The following GRIN3A variants were observed in gnomAD, a reference collection of about 807,000 sequenced individuals.
GRIN3A encodes glutamate ionotropic receptor NMDA type subunit 3A, also known as glutamate receptor ionotropic, NMDA 3A.
A neutral mutation model predicts 92.4 loss-of-function variants in GRIN3A; 47 were observed. The ratio of observed to expected loss-of-function variants is 0.51; its 90% confidence interval spans 0.40 to 0.65. The LOEUF (loss-of-function observed/expected upper bound fraction) is 0.65, where lower values mean the gene tolerates loss of function less well. Ranked by LOEUF, GRIN3A falls within the 30% of genes least tolerant of loss-of-function variation. The pLI, the probability that GRIN3A is intolerant of heterozygous loss-of-function variation, is 0.00. For synonymous variants in GRIN3A, 527 were observed against 540.6 expected, an observed-to-expected ratio of 0.97 and a Z score of 0.35; for missense variants, 1,324 against 1,393.1, an observed-to-expected ratio of 0.95 and a Z score of 0.79.
intron 1 of GRIN3A, among the ~76,000 whole-genome samples, chr9:101,719,877 TC>T (rs1164405289): frequency 6.6e-6 from 1 of 152,236 alleles, no homozygotes; most frequent in Non-Finnish European, 1.5e-5. Flanking sequence ...ATACTTGACT[TC>T]CCAAGTGTCT....
chr9:101,605,029 G>A (rs1349041394), intron 6 of GRIN3A, among the ~76,000 whole-genome samples: 2 of 152,232 alleles, frequency 1.3e-5, no homozygotes, highest in Non-Finnish European at 2.9e-5. Context: ...CCTGGCCAGG[G>A]ATGGGGAGCC....
intron 3 of GRIN3A, among the ~76,000 whole-genome samples, chr9:101,635,963 C>A (rs930465568): frequency 1.3e-4 from 20 of 152,204 alleles, no homozygotes; most frequent in African/African-American, 4.8e-4. Context: ...CAGCTCAGTG[C>A]AACCTCCGTC....
At chr9:101,697,770 A>T (rs893049685) in intron 1 of GRIN3A, among the ~76,000 whole-genome samples, 21 of 152,340 alleles carry the variant, frequency 1.4e-4, no homozygotes, top group African/African-American at 4.6e-4. Context: ...GAATGCCACA[A>T]ATTAAGGGGC....
intron 3 of GRIN3A, among the ~76,000 whole-genome samples, chr9:101,650,499 A>G (rs1035461900): frequency 1.5e-4 from 23 of 152,084 alleles, no homozygotes; most frequent in Non-Finnish European, 3.2e-4. Flanking sequence ...ACATCACCAC[A>G]GCAAATTATT....
chr9:101,682,602 G>A (rs919617239), intron 2 of GRIN3A, among the ~76,000 whole-genome samples: 7 of 152,140 alleles, frequency 4.6e-5, no homozygotes, highest in Non-Finnish European at 8.8e-5. Context: ...TCATTGGCTA[G>A]GCAAAAACAT....
chr9:101,613,485 T>A lies in GRIN3A; in HGVS notation c.2657A>T (p.Asn886Ile), dbSNP rs1206381512. 2 of 1,614,220 alleles carry A rather than the reference T, an allele frequency of 1.2e-6. No homozygotes were observed. Among genetic ancestry groups the A allele is most frequent in the Non-Finnish European group, 1.7e-6 (2 of 1,180,028 alleles). ...GTATTGACTGATTAGCTCGGATATG[T>A]TGGCGGTCAATGGAGAGTTGGGTGG... ...GLPPNSPLTA[N>I]ISELISQYKS... Residue 886 changes from asparagine to isoleucine, a missense_variant, in exon 6 of 9, where the codon AAC becomes ATC. By Grantham distance (149) the Asn-to-Ile change is moderately radical. Coordinates refer to ENST00000361820, the MANE Select transcript of GRIN3A (RefSeq NM_133445.3).
chr9:101,572,527 G>A lies in GRIN3A; in HGVS notation c.*647C>T, dbSNP rs1194442531. 6.5e-6 allele frequency: 1 copy of A among 153,068 alleles called. No homozygotes were observed. Among genetic ancestry groups the A allele is most frequent in the East Asian group, 1.9e-4 (1 of 5,186 alleles). 9.5% of individuals were successfully genotyped at this position (153,068 alleles called of 1,614,324 possible). A position where few individuals can be genotyped will look rare whatever the true frequency, so the allele number is the denominator to read the frequency against. ...CACATCCCCTCCCCTTTTCACAGTA[G>A]GGTGTAAGCATGCTCTTACTAAACA... On this transcript the variant is annotated 3_prime_UTR_variant, in exon 9 of 9. Transcript: ENST00000361820.
chr9:101,672,144 C>T (rs538076436), intron 2 of GRIN3A, among the ~76,000 whole-genome samples: 1 of 152,270 alleles, frequency 6.6e-6, no homozygotes, highest in East Asian at 1.9e-4. Flanking sequence ...GAATATTGGT[C>T]TAGCCACCTG....
chr9:101,643,569 A>C (rs554029780), intron 3 of GRIN3A, among the ~76,000 whole-genome samples: 58 of 152,052 alleles, frequency 3.8e-4, no homozygotes, highest in Non-Finnish European at 6.6e-4. Flanking sequence ...AAAGGAACTG[A>C]AATCAGTAAC....
In GRIN3A at chr9:101,600,277, G is replaced by C. The variant is rs151090336; in HGVS notation, c.2766+13099C>G. Among the ~76,000 whole-genome samples, 302 of 152,260 alleles carry C rather than the reference G, an allele frequency of 2.0e-3. 1 individual carries two copies. Among genetic ancestry groups the C allele is most frequent in the African/African-American group, 7.0e-3 (291 of 41,562 alleles). On this transcript the variant is annotated intron_variant, in intron 6 of 8. Transcript: ENST00000361820. ...TTAGGCTTGCTTAAAAACTCAAGTA[G>C]ACTGTATGCATACATGCACACAGAT...
intron 1 of GRIN3A, among the ~76,000 whole-genome samples, chr9:101,703,026 C>T (rs1272781945): frequency 2.0e-5 from 3 of 152,232 alleles, no homozygotes; most frequent in Non-Finnish European, 4.4e-5. Context: ...TCTACGGTGA[C>T]AGACTATTGT....
chr9:101,618,233 C>T (rs536399949), intron 5 of GRIN3A, among the ~76,000 whole-genome samples: 11,203 of 140,982 alleles, frequency 0.079, 943 homozygotes, highest in African/African-American at 0.21. Context: ...AAAGAAACTA[C>T]CATCAGAGTG....
chr9:101,639,005 A>T (rs1459439025), intron 3 of GRIN3A, among the ~76,000 whole-genome samples: 1 of 152,180 alleles, frequency 6.6e-6, no homozygotes, highest in Non-Finnish European at 1.5e-5. Flanking sequence ...CACATTCGTC[A>T]TCTCATTTCA....
At chr9:101,640,489 A>G (rs1248409967) in intron 3 of GRIN3A, among the ~76,000 whole-genome samples, 1 of 152,230 alleles carries the variant, frequency 6.6e-6, no homozygotes, top group Non-Finnish European at 1.5e-5. Context: ...AATTTGGCCA[A>G]GATTAGACAG....
At chr9:101,629,409 A>G (rs373683226) in intron 3 of GRIN3A, among the ~76,000 whole-genome samples, 1 of 152,214 alleles carries the variant, frequency 6.6e-6, no homozygotes, top group African/African-American at 2.4e-5. Flanking sequence ...ATATTTTAAA[A>G]TCAGCAAAAT....
chr9:101,731,322 T>A (rs2066103044), intron 1 of GRIN3A, among the ~76,000 whole-genome samples: 1 of 152,202 alleles, frequency 6.6e-6, no homozygotes, highest in Admixed American at 6.5e-5. Flanking sequence ...AATGCATAGT[T>A]CTTTCTATTT....
At chr9:101,680,550 G>A (rs1265340384) in intron 2 of GRIN3A, among the ~76,000 whole-genome samples, 1 of 152,126 alleles carries the variant, frequency 6.6e-6, no homozygotes, top group African/African-American at 2.4e-5. Flanking sequence ...TGAGGAGGGA[G>A]GCCTAGAAAT....
In GRIN3A at chr9:101,631,546, G is replaced by T. The variant is rs530498330; in HGVS notation, c.2353-3145C>A. Among the ~76,000 whole-genome samples, 22 of 152,220 alleles carry T rather than the reference G, an allele frequency of 1.4e-4. No homozygotes were observed. In the South Asian group the frequency reaches 4.1e-3, roughly 29 times the overall value. On this transcript the variant is annotated intron_variant, in intron 3 of 8. Transcript: ENST00000361820. The stretch of plus-strand genomic sequence containing the variant: ...CTCATTTTCTTTTCTGAATGCACCA[G>T]CACATCGTTCCTTTCCAAAGCATGG...
At chr9:101,693,237 C>G in intron 1 of GRIN3A, among the ~76,000 whole-genome samples, 1 of 90,932 alleles carries the variant, frequency 1.1e-5, no homozygotes. Context: ...AACCCCATCT[C>G]AGCTAAAATA....
Sources: gnomAD v4.1 joint callset for allele counts (sites outside exome capture counted in the v4.1 genomes callset) on GRCh38, gnomAD v4.1.1 for gene constraint, MANE v1.5 for transcripts, NCBI Gene and HGNC (gene_info 2026-07-23, HGNC 2026-07-21) for gene names.